The following RORA variants were observed in gnomAD, a reference collection of about 807,000 sequenced individuals.
RORA encodes the protein nuclear receptor ROR-alpha.
A neutral mutation model predicts 69.5 loss-of-function variants in RORA; 7 were observed. The ratio of observed to expected loss-of-function variants is 0.10; its 90% CI spans 0.06 to 0.19. The LOEUF is 0.19. Ranked by LOEUF, RORA falls within the 10% of genes least tolerant of loss-of-function variation. The pLI is 1.00. For synonymous variants in RORA, 261 were observed against 240.8 expected (o/e 1.08, Z -0.78); for missense variants, 457 against 663.0 (o/e 0.69, Z 3.41).
At chr15:61,121,179 C>G (rs746873062) in intron 1 of RORA, among the ~76,000 whole-genome samples, 1 of 152,090 alleles carries the variant, frequency 6.6e-6, no homozygotes, top group Non-Finnish European at 1.5e-5. Flanking sequence ...TCCTTACCAC[C>G]ACTCCATAAC....
At chr15:61,135,275 G>A (rs897362776) in intron 1 of RORA, among the ~76,000 whole-genome samples, 1 of 151,766 alleles carries the variant, frequency 6.6e-6, no homozygotes, top group Non-Finnish European at 1.5e-5. Flanking sequence ...AGGCTGCAGT[G>A]AGCCATGATT....
At chr15:60,852,673 C>A (rs2073338898) in intron 1 of RORA, among the ~76,000 whole-genome samples, 2 of 152,018 alleles carry the variant, frequency 1.3e-5, no homozygotes, top group South Asian at 2.1e-4. Flanking sequence ...AATAATGAGA[C>A]CTTTAGAATA....
chr15:60,739,717 G>A (rs1318099384), intron 1 of RORA, among the ~76,000 whole-genome samples: 1 of 152,116 alleles, frequency 6.6e-6, no homozygotes, highest in Non-Finnish European at 1.5e-5. Context: ...CCCAGTCTCT[G>A]ACTTAGGAGC....
intron 1 of RORA, among the ~76,000 whole-genome samples, chr15:61,096,008 A>C (rs1337025751): frequency 6.6e-6 from 1 of 152,202 alleles, no homozygotes; most frequent in African/African-American, 2.4e-5. Context: ...ATGAATCACA[A>C]GCCAAAGGGC....
intron 1 of RORA, among the ~76,000 whole-genome samples, chr15:60,739,479 G>A (rs2071545311): frequency 6.6e-6 from 1 of 152,032 alleles, no homozygotes; most frequent in Admixed American, 6.5e-5. Context: ...GCTGAGTAGG[G>A]AAGATCACTT....
intron 1 of RORA, among the ~76,000 whole-genome samples, chr15:61,045,760 T>C (rs11634359): frequency 0.066 from 10,111 of 152,280 alleles, 465 homozygotes; most frequent in Non-Finnish European, 0.091. Flanking sequence ...GGGACTGGCC[T>C]ACATCCCTAC....
intron 1 of RORA, among the ~76,000 whole-genome samples, chr15:61,225,818 T>C (rs189803559): frequency 1.3e-5 from 2 of 152,324 alleles, no homozygotes; most frequent in Non-Finnish European, 2.9e-5. Context: ...CCTTGTTAAA[T>C]TAAAGATTCG....
intron 1 of RORA, among the ~76,000 whole-genome samples, chr15:61,180,516 A>G (rs971172956): frequency 1.3e-5 from 2 of 151,994 alleles, no homozygotes; most frequent in East Asian, 1.9e-4. Context: ...CTTTCTACCA[A>G]TTTTCTTCCT....
intron 1 of RORA, among the ~76,000 whole-genome samples, chr15:60,725,213 G>A (rs751644302): frequency 4.6e-5 from 7 of 152,028 alleles, no homozygotes; most frequent in East Asian, 1.9e-4. Flanking sequence ...CTTTTCCCCC[G>A]ATTCAGCTTA....
At chr15:60,753,242 A>G (rs1328861737) in intron 1 of RORA, among the ~76,000 whole-genome samples, 2 of 152,198 alleles carry the variant, frequency 1.3e-5, no homozygotes, top group East Asian at 3.8e-4. Flanking sequence ...CAGTTACTTC[A>G]ACTCTCTGAG....
intron 4 of RORA, 145 bp downstream of exon 4, chr15:60,514,471 T>A (rs1289452253): frequency 5.4e-6 from 4 of 744,504 alleles, no homozygotes; most frequent in African/African-American, 5.3e-5. Context: ...TCCATGTAGC[T>A]GCCAGAGGAG....
intron 10 of RORA, among the ~76,000 whole-genome samples, chr15:60,499,228 C>T (rs901366452): frequency 6.6e-6 from 1 of 152,116 alleles, no homozygotes; most frequent in Non-Finnish European, 1.5e-5. Context: ...TTTATAACTT[C>T]TTCCTAAATT....
chr15:60,698,354 C>A (rs925162945), intron 1 of RORA, among the ~76,000 whole-genome samples: 1 of 152,156 alleles, frequency 6.6e-6, no homozygotes, highest in Non-Finnish European at 1.5e-5. Context: ...CTGGGCCGAC[C>A]ACTCCCTAGC....
chr15:61,092,997 G>A (rs2078730564), intron 1 of RORA, among the ~76,000 whole-genome samples: 1 of 151,824 alleles, frequency 6.6e-6, no homozygotes. Flanking sequence ...CAGCCCTCTT[G>A]TTTAAACACT....
At chr15:61,178,256 C>T (rs905056093) in intron 1 of RORA, among the ~76,000 whole-genome samples, 1 of 152,078 alleles carries the variant, frequency 6.6e-6, no homozygotes, top group African/African-American at 2.4e-5. Flanking sequence ...TAAAGTGATA[C>T]AAAATATTCA....
At chr15:60,701,605 T>C (rs1234468413) in intron 1 of RORA, among the ~76,000 whole-genome samples, 1 of 152,214 alleles carries the variant, frequency 6.6e-6, no homozygotes, top group Non-Finnish European at 1.5e-5. Flanking sequence ...ACCTACCACA[T>C]GCAGAACTCT....
At chr15:60,558,328 A>C (rs199659959) in intron 2 of RORA, 1 of 1,557,288 alleles carries the variant, frequency 6.4e-7, no homozygotes, top group East Asian at 2.3e-5. Flanking sequence ...ATGATAGCCT[A>C]TCTCAAAAAA....
intron 2 of RORA, among the ~76,000 whole-genome samples, chr15:60,554,884 CCT>C (rs1252817264): frequency 1.3e-5 from 2 of 151,960 alleles, no homozygotes; most frequent in Non-Finnish European, 2.9e-5. Context: ...ACGCTCACCC[CCT>C]GGTTTTCTGA....
At chr15:61,011,616 G>A (rs575125386) in intron 1 of RORA, among the ~76,000 whole-genome samples, 12 of 151,654 alleles carry the variant, frequency 7.9e-5, no homozygotes, top group South Asian at 2.1e-4. Context: ...GCTTTCCTAC[G>A]CATTAAAAAA....
Sources: allele counts gnomAD v4.1 joint callset (sites outside exome capture counted in the v4.1 genomes callset), GRCh38; gene constraint gnomAD v4.1.1; transcripts MANE v1.5; gene names NCBI Gene and HGNC (gene_info 2026-07-23, HGNC 2026-07-21).